AGBL4: variants seen among roughly 807,000 people sequenced by gnomAD.
AGBL4 encodes cytosolic carboxypeptidase 6.
AGBL4 carries 58 observed loss-of-function variants against 66.4 expected under a neutral mutation model. The observed-to-expected ratio is 0.87, with a 90% CI of 0.71 to 1.09. AGBL4 has a LOEUF of 1.09. Among genes scored for constraint, AGBL4 ranks in the 50% least tolerant of loss-of-function variants. The probability of loss-of-function intolerance (pLI) is 0.00; values close to 1 mark genes in which losing one functional copy is unlikely to be tolerated. For missense variants in AGBL4, 579 were observed against 631.0 expected (o/e 0.92, Z 0.88); for synonymous variants, 234 against 222.9 (o/e 1.05, Z -0.44).
At chr1:48,546,747 T>A (rs1355622502) in intron 11 of AGBL4, among the ~76,000 whole-genome samples, 2 of 152,108 alleles carry the variant, frequency 1.3e-5, no homozygotes, top group African/African-American at 4.8e-5. Context: ...GTTTATTATG[T>A]TCAGGCTTTT....
chr1:48,735,167 C>T, intron 6 of AGBL4, among the ~76,000 whole-genome samples: 1 of 152,194 alleles, frequency 6.6e-6, no homozygotes, highest in East Asian at 1.9e-4. Context: ...AATCCTGAAA[C>T]ACAGTTAAGT....
intron 4 of AGBL4, among the ~76,000 whole-genome samples, chr1:49,107,323 A>C (rs762455287): frequency 6.6e-6 from 1 of 152,156 alleles, no homozygotes; most frequent in Non-Finnish European, 1.5e-5. Flanking sequence ...AGGCAAGGCT[A>C]AGTTATAATG....
chr1:49,016,096 C>A (rs1662801287), intron 5 of AGBL4, among the ~76,000 whole-genome samples: 1 of 152,134 alleles, frequency 6.6e-6, no homozygotes, highest in African/African-American at 2.4e-5. Flanking sequence ...CAGCTTGTGG[C>A]AGACTCTCAA....
intron 5 of AGBL4, among the ~76,000 whole-genome samples, chr1:48,869,429 A>C (rs61785988): frequency 0.48 from 73,351 of 152,128 alleles, 20,890 homozygotes; most frequent in Non-Finnish European, 0.65. Flanking sequence ...AGAATCCATC[A>C]TGTCCTTTTT....
chr1:50,014,895 G>A (rs942306658), intron 1 of AGBL4, among the ~76,000 whole-genome samples: 2 of 152,114 alleles, frequency 1.3e-5, no homozygotes, highest in Non-Finnish European at 2.9e-5. Flanking sequence ...GTGCTTGCAC[G>A]TACTGTGCAT....
intron 1 of AGBL4, among the ~76,000 whole-genome samples, chr1:49,948,051 AATATATATAT>A (rs1179903836): frequency 1.2e-5 from 1 of 85,312 alleles, no homozygotes; most frequent in Admixed American, 1.9e-4. Flanking sequence ...TAAATATATA[AATATATATAT>A]GTAAATATAT....
At chr1:49,506,661 T>C (rs1277307533) in intron 3 of AGBL4, among the ~76,000 whole-genome samples, 1 of 152,072 alleles carries the variant, frequency 6.6e-6, no homozygotes, top group African/African-American at 2.4e-5. Flanking sequence ...TCTTTATAAA[T>C]TACCCAGTCT....
chr1:48,896,036 T>G (rs187853262), intron 5 of AGBL4, among the ~76,000 whole-genome samples: 30 of 152,326 alleles, frequency 2.0e-4, no homozygotes, highest in Admixed American at 2.0e-3. Context: ...GCGATGGCAA[T>G]AATAATGCCT....
At chr1:48,714,119 A>T (rs1647009948) in intron 6 of AGBL4, among the ~76,000 whole-genome samples, 1 of 152,142 alleles carries the variant, frequency 6.6e-6, no homozygotes, top group Non-Finnish European at 1.5e-5. Flanking sequence ...AGATGGACAG[A>T]CCCTGAGAGG....
intron 5 of AGBL4, among the ~76,000 whole-genome samples, chr1:49,001,077 T>C (rs1661360661): frequency 6.6e-6 from 1 of 152,192 alleles, no homozygotes; most frequent in South Asian, 2.1e-4. Context: ...GGGACCAAAT[T>C]AGTGTACTGC....
chr1:49,215,615 T>C (rs1323764636), intron 4 of AGBL4, among the ~76,000 whole-genome samples: 1 of 152,122 alleles, frequency 6.6e-6, no homozygotes, highest in African/African-American at 2.4e-5. Context: ...TCTCTTCCCA[T>C]ATCAAACTTT....
At chr1:49,624,002 A>AGAGT (rs1553237982) in intron 3 of AGBL4, among the ~76,000 whole-genome samples, 98 of 149,448 alleles carry the variant, frequency 6.6e-4, no homozygotes, top group South Asian at 2.3e-3. Flanking sequence ...GATGAGAGAG[A>AGAGT]GTGTGTGTGT....
At chr1:49,564,640 G>A (rs1482232724) in intron 3 of AGBL4, among the ~76,000 whole-genome samples, 3 of 152,118 alleles carry the variant, frequency 2.0e-5, no homozygotes, top group Non-Finnish European at 4.4e-5. Flanking sequence ...TTAATCCTGA[G>A]TTCTAGTTTG....
At chr1:49,233,648 C>T (rs183025661) in intron 4 of AGBL4, among the ~76,000 whole-genome samples, 2 of 152,194 alleles carry the variant, frequency 1.3e-5, no homozygotes, top group East Asian at 3.9e-4. Context: ...GCAGAGTAAG[C>T]TAAGTGCCAT....
At chr1:49,138,347 G>C (rs1191772038) in intron 4 of AGBL4, among the ~76,000 whole-genome samples, 1 of 152,154 alleles carries the variant, frequency 6.6e-6, no homozygotes, top group African/African-American at 2.4e-5. Flanking sequence ...GAAATATGTA[G>C]TGGTCAATAG....
rs186196466 is a variant in AGBL4 at position 49,865,780 on chromosome 1, C to T, written c.35-14262G>A. On this transcript the variant is annotated intron_variant, in intron 1 of 13. Transcript: ENST00000371839. ...AGATGGATGAACTGACAGAAGTAGG[C>T]TTCAAAAGATAAGACAATGACAAAC... is the stretch of plus-strand genomic sequence containing the variant. The T allele has an allele frequency of 8.7e-4, 142 of 163,958 alleles. 1 individual carries two copies. Among genetic ancestry groups the T allele is most frequent in the African/African-American group, 3.2e-3 (137 of 42,160 alleles). The allele number at this position is 163,958 out of a possible 1,614,324, so 10.2% of individuals were successfully genotyped here.
intron 5 of AGBL4, among the ~76,000 whole-genome samples, chr1:49,037,581 A>T (rs1415801457): frequency 6.6e-6 from 1 of 152,082 alleles, no homozygotes; most frequent in Non-Finnish European, 1.5e-5. Context: ...ACAAGGAGCC[A>T]TGCAACACTG....
chr1:49,141,298 A>T (rs1039222841), intron 4 of AGBL4, among the ~76,000 whole-genome samples: 1 of 152,140 alleles, frequency 6.6e-6, no homozygotes, highest in African/African-American at 2.4e-5. Context: ...TTTATTGACC[A>T]TGGACTCTGG....
intron 6 of AGBL4, chr1:48,759,107 G>A (rs767779765): frequency 1.9e-6 from 3 of 1,611,822 alleles, no homozygotes; most frequent in Admixed American, 1.7e-5. Flanking sequence ...TACAGAGCCC[G>A]GGGCACCACA....
Sources: allele counts gnomAD v4.1 joint callset (sites outside exome capture counted in the v4.1 genomes callset), GRCh38; gene constraint gnomAD v4.1.1; transcripts MANE v1.5; gene names NCBI Gene and HGNC (gene_info 2026-07-23, HGNC 2026-07-21).